SORL1: variants seen among roughly 807,000 people sequenced by gnomAD.
SORL1 encodes sortilin-related receptor.
SORL1 carries 127 observed loss-of-function variants against 273.7 expected under a neutral mutation model. The ratio of observed to expected loss-of-function variants is 0.46; its 90% confidence interval spans 0.40 to 0.54. The LOEUF (loss-of-function observed/expected upper bound fraction) is 0.54. SORL1 is among the 20% of genes least tolerant of loss of function. SORL1 has a pLI of 0.00. For synonymous variants in SORL1, 1,031 were observed against 1,067.4 expected (o/e 0.97, Z 0.66); for missense variants, 2,494 against 2,846.1 (o/e 0.88, Z 2.81).
chr11:121,577,856 G>T (rs531499409), intron 25 of SORL1, among the ~76,000 whole-genome samples: 1 of 152,292 alleles, frequency 6.6e-6, no homozygotes, highest in African/African-American at 2.4e-5. Flanking sequence ...ACATGAATGT[G>T]CTAGGTGCTA....
At chr11:121,484,062 T>C (rs887955871) in intron 3 of SORL1, among the ~76,000 whole-genome samples, 4 of 152,124 alleles carry the variant, frequency 2.6e-5, no homozygotes, top group African/African-American at 9.7e-5. Flanking sequence ...AGAGCTTGTA[T>C]TGAGCTGCTG....
rs183081520 is a variant in SORL1 at position 121,520,821 on chromosome 11, C to T, written c.1376C>T (p.Thr459Met). ...GAGTTTCTTCAGGCTCCAGCCTTCA[C>T]GGGATATGGAGAGAAAATCAATTGT... is the stretch of plus-strand genomic sequence containing the variant. ...TWEFLQAPAF[T>M]GYGEKINCEL... The change falls in exon 9 of 48, where the codon ACG (threonine) becomes ATG (methionine). Residue 459 changes from threonine to methionine, a missense_variant. By Grantham distance (81) the Thr-to-Met change is moderately conservative. Transcript: ENST00000260197. The T allele has an allele frequency of 5.7e-5, 91 of 1,602,938 alleles. No homozygotes were observed. In the Admixed American group the frequency reaches 1.3e-3, roughly 24 times the overall value.
chr11:121,494,575 A>G (rs998363995), intron 5 of SORL1, among the ~76,000 whole-genome samples: 7 of 152,222 alleles, frequency 4.6e-5, no homozygotes, highest in East Asian at 1.9e-4. Flanking sequence ...GAATTTCTCA[A>G]TGAGGACAAA....
At chr11:121,477,637 T>G (rs1381714547) in intron 2 of SORL1, among the ~76,000 whole-genome samples, 5 of 152,138 alleles carry the variant, frequency 3.3e-5, no homozygotes, top group Non-Finnish European at 7.4e-5. Context: ...GACATAGAGG[T>G]GCCCTGCCTC....
In SORL1 at chr11:121,606,935, A is replaced by G. The variant is rs758109882; in HGVS notation, c.5039A>G (p.His1680Arg). 1 of 1,613,328 alleles carries G rather than the reference A, an allele frequency of 6.2e-7. No homozygotes were observed. The highest frequency in any genetic ancestry group is 8.5e-7 in the Non-Finnish European group (1 of 1,179,268). Residue 1680 changes from histidine to arginine, a missense_variant, in exon 36 of 48, where the codon CAT (histidine) becomes CGT (arginine). Coordinates refer to ENST00000260197, the MANE Select transcript of SORL1 (RefSeq NM_003105.6). ...VGHWAPPIHT[H>R]GLIREYIVEY... ...CACTGGGCTCCTCCCATCCACACCC[A>G]TGGCCTCATCCGTGAGTACATTGTA...
chr11:121,560,908 T>G (rs1862662728), intron 21 of SORL1, among the ~76,000 whole-genome samples: 1 of 152,196 alleles, frequency 6.6e-6, no homozygotes. Flanking sequence ...GGCCTTTTGT[T>G]GCAATTCTGC....
chr11:121,513,409 G>C (rs1378524509), intron 7 of SORL1, among the ~76,000 whole-genome samples: 1 of 152,212 alleles, frequency 6.6e-6, no homozygotes, highest in East Asian at 1.9e-4. Context: ...GTTTGTGCAT[G>C]ATAGGATCTT....
At position 121,629,947 on chromosome 11, in the gene SORL1, T is replaced by C. The variant is rs1863851370; in HGVS notation, c.*384T>C. On this transcript the variant is annotated 3_prime_UTR_variant, in exon 48 of 48. Coordinates refer to ENST00000260197, the MANE Select transcript of SORL1 (RefSeq NM_003105.6). ...AGAGAGTGATGGGTGGAACCCCTTC[T>C]CCTTGAAAGTGTGTACAGATATTCC... is the stretch of plus-strand genomic sequence containing the variant. 9.3e-6 allele frequency: 2 copies of C among 215,206 alleles called. No individual in the cohort carries two copies. Among genetic ancestry groups the C allele is most frequent in the South Asian group, 1.4e-4 (2 of 13,796 alleles). The allele number at this position is 215,206 out of a possible 1,614,324, so 13.3% of individuals were successfully genotyped here. A position where few individuals can be genotyped will look rare whatever the true frequency, so the allele number is the denominator to read the frequency against.
chr11:121,525,988 G>A (rs1039611900), intron 11 of SORL1, among the ~76,000 whole-genome samples: 3 of 152,162 alleles, frequency 2.0e-5, no homozygotes, highest in African/African-American at 7.2e-5. Context: ...TGATTGTGCT[G>A]CTGCATTCCA....
At chr11:121,474,010 C>T (rs993683184) in intron 2 of SORL1, among the ~76,000 whole-genome samples, 1 of 152,218 alleles carries the variant, frequency 6.6e-6, no homozygotes, top group African/African-American at 2.4e-5. Flanking sequence ...TCAGGACTGA[C>T]TGGGGAGCAG....
chr11:121,597,508 A>G (rs1863314832), intron 32 of SORL1, among the ~76,000 whole-genome samples: 1 of 146,498 alleles, frequency 6.8e-6, no homozygotes, highest in African/African-American at 2.6e-5. Context: ...CCCAGGCTGG[A>G]GTGCAGGGGC....
At chr11:121,489,924 A>C in intron 4 of SORL1, 119 bp from the exon 5 acceptor site, 1 of 740,810 alleles carries the variant, frequency 1.3e-6, no homozygotes, top group Non-Finnish European at 2.4e-6. Context: ...TGGCAGTCTC[A>C]GTGCCTGCCT....
chr11:121,582,446 C>T (rs1863026486), intron 25 of SORL1, among the ~76,000 whole-genome samples: 1 of 152,254 alleles, frequency 6.6e-6, no homozygotes, highest in South Asian at 2.1e-4. Flanking sequence ...TAAACAAGGC[C>T]AGTCCTGGCT....
At chr11:121,562,587 G>T (rs1463346327) in intron 21 of SORL1, among the ~76,000 whole-genome samples, 1 of 152,170 alleles carries the variant, frequency 6.6e-6, no homozygotes, top group Admixed American at 6.5e-5. Context: ...CCCTTTAGGA[G>T]CCGGCTGGGT....
Position 121,554,413 on chromosome 11 carries a change from A to G in SORL1, c.2439+304A>G, listed in dbSNP as rs573509236. Among the ~76,000 whole-genome samples the G allele has an allele frequency of 1.3e-5, 2 of 152,240 alleles. No individual in the cohort carries two copies. The highest frequency in any genetic ancestry group is 3.9e-4 in the East Asian group (2 of 5,190). On this transcript the variant is annotated intron_variant, in intron 17 of 47. Transcript: ENST00000260197. This position sits in a 1 kb window ranked among gnomAD's most constrained non-coding sequence, Gnocchi z 4.6. ...ATGTAGGATGATTAGTTGCCCCCCT[A>G]TTGTGCCAACTGCCTCTTGAGCATC...
chr11:121,518,973 G>C (rs1422999797), intron 8 of SORL1, among the ~76,000 whole-genome samples: 1 of 147,706 alleles, frequency 6.8e-6, no homozygotes. Context: ...TTTTGAGTTG[G>C]AGTCTCGCTC....
chr11:121,590,973 G>A (rs756618414), intron 30 of SORL1, 28 bp from the exon 31 acceptor site: 7 of 1,613,992 alleles, frequency 4.3e-6, no homozygotes, highest in Non-Finnish European at 5.1e-6. Flanking sequence ...CTAATGTTTT[G>A]GGTTTCCGTG....
rs1565315283 is a variant in SORL1 at position 121,496,863 on chromosome 11, TGCCA to T, written c.759-4_759-1del. 3.8e-6 allele frequency: 6 copies of T among 1,572,626 alleles called. No individual in the cohort carries two copies. The highest frequency in any genetic ancestry group is 4.1e-5 in the Admixed American group (2 of 49,356). On this transcript the variant is annotated splice_acceptor_variant and splice_polypyrimidine_tract_variant and intron_variant, in intron 5 of 47. Coordinates refer to ENST00000260197, the MANE Select transcript of SORL1 (RefSeq NM_003105.6). LOFTEE classifies it high-confidence loss of function. The stretch of plus-strand genomic sequence containing the variant: ...TGATAACAACCTTTTTTTTTTTTTC[TGCCA>T]GGGGAATTGATCCCTATGACAAACC...
At chr11:121,498,022 A>G (rs191406016) in intron 6 of SORL1, among the ~76,000 whole-genome samples, 1 of 152,328 alleles carries the variant, frequency 6.6e-6, no homozygotes, top group East Asian at 1.9e-4. Flanking sequence ...AGCAGGGAGT[A>G]AGGACAGAAT....
Sources: gnomAD v4.1 joint callset for allele counts (sites outside exome capture counted in the v4.1 genomes callset) on GRCh38, gnomAD v4.1.1 for gene constraint, Gnocchi (gnomAD v3.1) non-coding constraint, MANE v1.5 for transcripts, NCBI Gene and HGNC (gene_info 2026-07-23, HGNC 2026-07-21) for gene names.